The following LRRN2 variants were observed in gnomAD, a reference collection of about 807,000 sequenced individuals.
LRRN2 encodes the protein leucine rich repeat neuronal 2, also known as leucine-rich repeat neuronal protein 2.
LRRN2 carries 10 observed loss-of-function variants against 35.7 expected under a neutral mutation model. The observed-to-expected ratio is 0.28, with a 90% CI of 0.17 to 0.47. LRRN2 has a LOEUF of 0.47. Ranked by LOEUF, LRRN2 falls within the 20% of genes least tolerant of loss-of-function variation. LRRN2 has a pLI of 0.99. For synonymous variants in LRRN2, 391 were observed against 409.6 expected (o/e 0.95, Z 0.55); for missense variants, 731 against 940.3 (o/e 0.78, Z 2.91).
At chr1:204,671,221 G>A (rs898233942) in intron 1 of LRRN2, among the ~76,000 whole-genome samples, 1 of 152,068 alleles carries the variant, frequency 6.6e-6, no homozygotes, top group Non-Finnish European at 1.5e-5. Context: ...GAAGTGGGAG[G>A]TGAGGTCCTC....
intron 1 of LRRN2, among the ~76,000 whole-genome samples, chr1:204,665,977 C>T (rs987190316): frequency 6.6e-6 from 1 of 152,230 alleles, no homozygotes; most frequent in Non-Finnish European, 1.5e-5. Flanking sequence ...GTTGGCACAG[C>T]CTGACCCAGC....
At chr1:204,681,401 T>C (rs58677547) in intron 1 of LRRN2, among the ~76,000 whole-genome samples, 27,469 of 152,176 alleles carry the variant, frequency 0.18, 2,780 homozygotes, top group East Asian at 0.38. Flanking sequence ...TCTAAGCTCA[T>C]TACATGTATC....
At chr1:204,637,094 G>A (rs1432900858) in intron 1 of LRRN2, among the ~76,000 whole-genome samples, 1 of 152,200 alleles carries the variant, frequency 6.6e-6, no homozygotes, top group East Asian at 1.9e-4. Context: ...TAGGTGGTGG[G>A]TAGATGATTG....
intron 1 of LRRN2, chr1:204,683,120 A>C (rs1668990106): frequency 6.6e-6 from 1 of 152,200 alleles, no homozygotes; most frequent in Non-Finnish European, 1.5e-5. Context: ...TGGGGAGTAG[A>C]AGGGGGAGGT....
chr1:204,658,765 A>G (rs562237431), intron 1 of LRRN2, among the ~76,000 whole-genome samples: 3 of 152,170 alleles, frequency 2.0e-5, no homozygotes, highest in Admixed American at 6.5e-5. Context: ...CAAGTCAGTT[A>G]CCTTCTCAAG....
chr1:204,628,144 G>A (rs1253619478), intron 1 of LRRN2: 4 of 152,184 alleles, frequency 2.6e-5, no homozygotes, highest in Non-Finnish European at 5.9e-5. Flanking sequence ...GGCAATACCC[G>A]GGCCACTCCA....
At chr1:204,650,105 C>T (rs559638079) in intron 1 of LRRN2, among the ~76,000 whole-genome samples, 98 of 152,342 alleles carry the variant, frequency 6.4e-4, no homozygotes, top group Middle Eastern at 3.4e-3. Flanking sequence ...CTGTGCCAGC[C>T]CAAAAACTTC....
chr1:204,649,155 A>G (rs1034705356), intron 1 of LRRN2, among the ~76,000 whole-genome samples: 37 of 152,202 alleles, frequency 2.4e-4, no homozygotes, highest in African/African-American at 8.4e-4. Context: ...CGGCGACTCA[A>G]AGAGGTGAAT....
intron 1 of LRRN2, chr1:204,664,400 G>C (rs556261613): frequency 2.0e-5 from 3 of 152,626 alleles, no homozygotes; most frequent in Non-Finnish European, 4.4e-5. Context: ...TGCCTTGCCT[G>C]ACCTCCTGAG....
chr1:204,618,721 G>A lies in LRRN2; in HGVS notation c.1272C>T (p.Ile424=), dbSNP rs773840612. ...GGCTTGGGGGGAAGCTTCGTGGGGA[G>A]ATGAGGGGCAAACAGTGGTCCGTCA... ...REMTDHCLPL[I]SPRSFPPSLQ... Residue 424 remains isoleucine (I), a synonymous_variant, in exon 2 of 2, where the codon ATC becomes ATT. Coordinates refer to ENST00000367177, the MANE Select transcript of LRRN2 (RefSeq NM_201630.2). The A allele has an allele frequency of 2.4e-5, 39 of 1,604,668 alleles. No individual in the cohort carries two copies. The highest frequency in any genetic ancestry group is 3.3e-5 in the Non-Finnish European group (39 of 1,174,282).
intron 1 of LRRN2, among the ~76,000 whole-genome samples, chr1:204,656,396 G>C (rs1476588411): frequency 6.6e-6 from 1 of 152,176 alleles, no homozygotes; most frequent in Non-Finnish European, 1.5e-5. Flanking sequence ...CATAACCACT[G>C]TTAACATTTT....
intron 1 of LRRN2, chr1:204,633,384 G>T (rs1371488442): frequency 5.3e-5 from 8 of 152,196 alleles, no homozygotes; most frequent in Admixed American, 5.2e-4. Context: ...TCATTTTAGT[G>T]GAAAGAAGAT....
chr1:204,622,970 C>T (rs1667024914), intron 1 of LRRN2, among the ~76,000 whole-genome samples: 1 of 152,224 alleles, frequency 6.6e-6, no homozygotes, highest in Non-Finnish European at 1.5e-5. Context: ...TCTCTTCCAG[C>T]TCCAGTCATC....
intron 1 of LRRN2, among the ~76,000 whole-genome samples, chr1:204,666,877 G>A (rs572064270): frequency 7.0e-6 from 1 of 143,148 alleles, no homozygotes; most frequent in Non-Finnish European, 1.5e-5. Flanking sequence ...CCGGAGAATT[G>A]CTTGAACCTG....
intron 1 of LRRN2, among the ~76,000 whole-genome samples, chr1:204,676,690 A>C (rs1301991444): frequency 1.3e-5 from 2 of 152,038 alleles, no homozygotes; most frequent in East Asian, 3.9e-4. Flanking sequence ...TCCCATTCCC[A>C]CTTCTATCAT....
intron 1 of LRRN2, among the ~76,000 whole-genome samples, chr1:204,633,595 C>T (rs760209122): frequency 6.6e-6 from 1 of 152,168 alleles, no homozygotes; most frequent in African/African-American, 2.4e-5. Context: ...ACAGTAAGAG[C>T]GTGATGTGGA....
chr1:204,645,854 G>A (rs1329626264), intron 1 of LRRN2, among the ~76,000 whole-genome samples: 3 of 152,110 alleles, frequency 2.0e-5, no homozygotes, highest in Non-Finnish European at 4.4e-5. Context: ...TCATGAGAAG[G>A]GCATGGGGGA....
chr1:204,676,974 T>A (rs1668837203), intron 1 of LRRN2, among the ~76,000 whole-genome samples: 1 of 152,034 alleles, frequency 6.6e-6, no homozygotes, highest in Non-Finnish European at 1.5e-5. Flanking sequence ...TGGGGGAAAA[T>A]AATATCTACT....
chr1:204,634,872 T>G (rs1667794359), intron 1 of LRRN2, among the ~76,000 whole-genome samples: 1 of 152,240 alleles, frequency 6.6e-6, no homozygotes, highest in African/African-American at 2.4e-5. Context: ...GCTTTATTTC[T>G]ATGAGCCTCA....
Sources: allele counts gnomAD v4.1 joint callset (sites outside exome capture counted in the v4.1 genomes callset), GRCh38; gene constraint gnomAD v4.1.1; transcripts MANE v1.5; gene names NCBI Gene and HGNC (gene_info 2026-07-23, HGNC 2026-07-21).